The following CDH10 variants were observed in gnomAD, a reference collection of about 807,000 sequenced individuals.
CDH10 encodes the protein cadherin-10.
CDH10 carries 30 observed loss-of-function variants against 73.1 expected under a neutral mutation model. The ratio of observed to expected loss-of-function variants is 0.41; its 90% CI spans 0.31 to 0.56. The LOEUF is 0.56. CDH10 is among the 20% of genes least tolerant of loss of function. The probability of loss-of-function intolerance (pLI) is 0.27; values close to 1 mark genes in which losing one functional copy is unlikely to be tolerated. For synonymous variants in CDH10, 345 were observed against 348.2 expected (o/e 0.99, Z 0.10); for missense variants, 815 against 973.7 (o/e 0.84, Z 2.17).
Position 24,593,372 on chromosome 5 carries a change from C to A in CDH10, c.119G>T (p.Arg40Leu), listed in dbSNP as rs777678940. Residue 40 changes from arginine to leucine, a missense_variant, in exon 2 of 12, where the codon CGT becomes CTT. Arg to Leu is a moderately radical substitution (Grantham distance 102). Around this residue, in one of 3 missense-constraint regions of CDH10, gnomAD observed 58 missense variants for 96.7 expected, o/e 0.60. Transcript: ENST00000264463. ...PVPQQRILSS[R>L]VPRSDGKILH... is the part of the protein sequence containing the mutation. ...AATTTTGCCATCACTCCTTGGTACACGTGAACTTAAAATTCTTTGCTGTGG... is the reference window on the plus strand; with the variant it reads ...AATTTTGCCATCACTCCTTGGTACAAGTGAACTTAAAATTCTTTGCTGTGG... 1.7e-5 allele frequency: 28 copies of A among 1,612,498 alleles called. No individual in the cohort carries two copies. The highest frequency in any genetic ancestry group is 1.7e-4 in the Middle Eastern group (1 of 6,058).
intron 1 of CDH10, among the ~76,000 whole-genome samples, chr5:24,626,401 G>A (rs1420221844): frequency 1.3e-5 from 2 of 151,996 alleles, no homozygotes; most frequent in Non-Finnish European, 1.5e-5. Flanking sequence ...AGGCCTCAAG[G>A]AGGCATGAAA....
intron 2 of CDH10, among the ~76,000 whole-genome samples, chr5:24,571,334 T>C (rs1475265531): frequency 1.3e-5 from 2 of 152,044 alleles, no homozygotes; most frequent in Non-Finnish European, 2.9e-5. Context: ...TGAGAAATAA[T>C]AGGGACAACT....
intron 2 of CDH10, among the ~76,000 whole-genome samples, chr5:24,555,955 C>T (rs1257510935): frequency 6.6e-6 from 1 of 152,036 alleles, no homozygotes; most frequent in African/African-American, 2.4e-5. Context: ...TAGTGATATC[C>T]AATTTGGAAA....
chr5:24,553,539 T>C (rs1383237149), intron 2 of CDH10, among the ~76,000 whole-genome samples: 2 of 152,196 alleles, frequency 1.3e-5, no homozygotes, highest in African/African-American at 4.8e-5. Flanking sequence ...TTTCCTGTTA[T>C]TCTCCAAGCC....
At position 24,616,410 on chromosome 5, in the gene CDH10, C is replaced by A. The variant is rs137927625; in HGVS notation, c.-123-22797G>T. On this transcript the variant is annotated intron_variant, in intron 1 of 11. Transcript: ENST00000264463. ...AAGAACACTGAATATAGATTCTACA[C>A]TTGGGGGTCGGATTTAGGTTAAAAG... 4.7e-4 allele frequency among the ~76,000 whole-genome samples: 72 copies of A among 152,034 alleles called. 2 individuals are homozygous for A. In the East Asian group the frequency reaches 0.013, roughly 27 times the overall value.
chr5:24,632,273 A>G (rs1747726545), intron 1 of CDH10, among the ~76,000 whole-genome samples: 1 of 152,092 alleles, frequency 6.6e-6, no homozygotes, highest in Non-Finnish European at 1.5e-5. Context: ...AGCACTAAAT[A>G]TGACTATGAC....
At chr5:24,565,969 C>A (rs113559662) in intron 2 of CDH10, among the ~76,000 whole-genome samples, 2,200 of 152,144 alleles carry the variant, frequency 0.014, 58 homozygotes, top group African/African-American at 0.05. Context: ...GTTATGGCAG[C>A]CCAAGCAGAC....
intron 5 of CDH10, among the ~76,000 whole-genome samples, chr5:24,528,017 G>A (rs888732625): frequency 1.3e-5 from 2 of 151,842 alleles, no homozygotes; most frequent in African/African-American, 4.8e-5. Context: ...TTGGCACATA[G>A]TAGGGCTTCG....
intron 2 of CDH10, among the ~76,000 whole-genome samples, chr5:24,591,790 TAAG>T (rs955330499): frequency 4.0e-5 from 6 of 151,866 alleles, no homozygotes; most frequent in African/African-American, 9.7e-5. Flanking sequence ...AAATAAAAAA[TAAG>T]AAGTAGCTTG....
intron 1 of CDH10, among the ~76,000 whole-genome samples, chr5:24,637,692 T>G (rs1278447848): frequency 6.6e-6 from 1 of 151,844 alleles, no homozygotes; most frequent in South Asian, 2.1e-4. Context: ...TAACAGAAGC[T>G]GCAAAATAAA....
intron 1 of CDH10, chr5:24,612,441 T>G (rs1351796836): frequency 1.3e-5 from 2 of 152,238 alleles, no homozygotes. Context: ...ACAGATATAC[T>G]TCTTTTCTGC....
intron 2 of CDH10, among the ~76,000 whole-genome samples, chr5:24,572,185 C>T (rs745316927): frequency 6.6e-6 from 1 of 152,058 alleles, no homozygotes; most frequent in South Asian, 2.1e-4. Flanking sequence ...TACAAGGACC[C>T]GGGAAAGCCA....
chr5:24,573,473 A>C (rs1250698882), intron 2 of CDH10, among the ~76,000 whole-genome samples: 4 of 151,876 alleles, frequency 2.6e-5, no homozygotes, highest in Middle Eastern at 3.2e-3. Flanking sequence ...AGGCCGAGGC[A>C]GGCAGATCAC....
chr5:24,511,697 A>ACAT (rs1215260264), intron 5 of CDH10, among the ~76,000 whole-genome samples, 183 bp from the exon 6 acceptor site: 2 of 152,212 alleles, frequency 1.3e-5, no homozygotes, highest in African/African-American at 4.8e-5. Context: ...AACATGGATA[A>ACAT]CATTAAGGTC....
intron 1 of CDH10, among the ~76,000 whole-genome samples, chr5:24,615,279 A>C (rs189487363): frequency 6.6e-6 from 1 of 152,116 alleles, no homozygotes; most frequent in African/African-American, 2.4e-5. Flanking sequence ...ACATATTTCA[A>C]ATATTTTATA....
intron 1 of CDH10, among the ~76,000 whole-genome samples, chr5:24,616,720 T>G (rs1333848888): frequency 6.6e-6 from 1 of 152,106 alleles, no homozygotes; most frequent in South Asian, 2.1e-4. Context: ...TCCAGATAAG[T>G]AGGAGTATCA....
At chr5:24,569,978 C>A (rs913181968) in intron 2 of CDH10, among the ~76,000 whole-genome samples, 1 of 151,970 alleles carries the variant, frequency 6.6e-6, no homozygotes, top group Non-Finnish European at 1.5e-5. Flanking sequence ...ATTGGACGGG[C>A]TGTTCTCGAA....
At chr5:24,503,170 A>G (rs1001581821) in intron 8 of CDH10, among the ~76,000 whole-genome samples, 2 of 152,162 alleles carry the variant, frequency 1.3e-5, no homozygotes, top group Non-Finnish European at 2.9e-5. Context: ...GCCCCATCCA[A>G]TGCTTTGCCT....
chr5:24,522,523 A>T (rs1459735250), intron 5 of CDH10, among the ~76,000 whole-genome samples: 1 of 151,930 alleles, frequency 6.6e-6, no homozygotes, highest in Non-Finnish European at 1.5e-5. Context: ...AAAATAAAAA[A>T]GTCTGGGATG....
Sources: gnomAD v4.1 joint callset for allele counts (sites outside exome capture counted in the v4.1 genomes callset) on GRCh38, gnomAD v4.1.1 for gene constraint, gnomAD v4.1.1 regional missense constraint, MANE v1.5 for transcripts, NCBI Gene and HGNC (gene_info 2026-07-23, HGNC 2026-07-21) for gene names.